Variants in ITGB6 observed in about 807,000 individuals in gnomAD.
The protein encoded by ITGB6 is integrin beta-6.
Under a neutral mutation model 84.5 loss-of-function variants are expected in ITGB6, and 80 were observed. The ratio of observed to expected loss-of-function variants is 0.95; its 90% CI spans 0.79 to 1.14. The LOEUF (loss-of-function observed/expected upper bound fraction) is 1.14. Among genes scored for constraint, ITGB6 ranks in the 50% most tolerant of loss-of-function variants. The pLI, the probability that ITGB6 is intolerant of heterozygous loss-of-function variation, is 0.00. For synonymous variants in ITGB6, 383 were observed against 354.9 expected (o/e 1.08, Z -0.89); for missense variants, 1,006 against 968.0 (o/e 1.04, Z -0.52).
intron 14 of ITGB6, among the ~76,000 whole-genome samples, chr2:160,106,431 G>T (rs1255180836): frequency 6.6e-6 from 1 of 152,036 alleles, no homozygotes; most frequent in Non-Finnish European, 1.5e-5. Flanking sequence ...TGTAGGGATG[G>T]GTTTTGCCAT....
intron 14 of ITGB6, 99 bp downstream of exon 14, chr2:160,107,580 A>G (rs955480245): frequency 4.9e-5 from 53 of 1,074,516 alleles, no homozygotes; most frequent in Non-Finnish European, 7.2e-5. Context: ...AAAAAATGTG[A>G]CATTTGAACT....
At chr2:160,123,445 G>A (rs758181299) in intron 12 of ITGB6, among the ~76,000 whole-genome samples, 23 of 152,148 alleles carry the variant, frequency 1.5e-4, no homozygotes, top group Non-Finnish European at 2.6e-4. Flanking sequence ...GTGAATTCAG[G>A]TTTGGGGGTT....
At chr2:160,194,288 T>G (rs1170010788) in intron 4 of ITGB6, among the ~76,000 whole-genome samples, 1 of 152,218 alleles carries the variant, frequency 6.6e-6, no homozygotes, top group Admixed American at 6.5e-5. Context: ...TAAATTATTT[T>G]TTATTATGTT....
At chr2:160,155,679 A>T (rs550355180) in intron 7 of ITGB6, among the ~76,000 whole-genome samples, 1 of 152,316 alleles carries the variant, frequency 6.6e-6, no homozygotes, top group South Asian at 2.1e-4. Context: ...TAAGAGTATG[A>T]GAAGGAGGCA....
chr2:160,119,234 C>G (rs551331208), intron 12 of ITGB6, among the ~76,000 whole-genome samples: 16 of 152,234 alleles, frequency 1.1e-4, no homozygotes, highest in African/African-American at 3.9e-4. Context: ...AAGAACAAAG[C>G]TAGAGGCATC....
intron 13 of ITGB6, among the ~76,000 whole-genome samples, chr2:160,108,941 GA>G (rs199708943): frequency 6.6e-6 from 1 of 151,790 alleles, no homozygotes; most frequent in Non-Finnish European, 1.5e-5. Context: ...TACTTTCATG[GA>G]AAAAAAATCC....
At chr2:160,123,709 G>A in intron 12 of ITGB6, 82 bp downstream of exon 12, 4 of 994,084 alleles carry the variant, frequency 4.0e-6, no homozygotes, top group Non-Finnish European at 6.3e-6. Context: ...CTACTAAATA[G>A]CCCTCGATTC....
intron 8 of ITGB6, among the ~76,000 whole-genome samples, chr2:160,138,572 A>T (rs531314439): frequency 2.0e-5 from 3 of 152,362 alleles, no homozygotes; most frequent in African/African-American, 7.2e-5. Flanking sequence ...ATAGATTGGC[A>T]TATAAAAGGC....
chr2:160,099,829 T>C lies in ITGB6; in HGVS notation c.*1907A>G, dbSNP rs1696646566. The C allele has an allele frequency of 1.3e-5, 2 of 152,192 alleles. No individual in the cohort carries two copies. Among genetic ancestry groups the C allele is most frequent in the African/African-American group, 4.8e-5 (2 of 41,434 alleles). The allele number at this position is 152,192 out of a possible 1,614,324, so 9.4% of individuals were successfully genotyped here. ...AAGGTCCTGCCTGGGGTCAAAACAGTATTCAGAGAAAGAGCAGATTCTTCT... is the reference window on the plus strand; with the variant it reads ...AAGGTCCTGCCTGGGGTCAAAACAGCATTCAGAGAAAGAGCAGATTCTTCT... On this transcript the variant is annotated 3_prime_UTR_variant, in exon 15 of 15. Coordinates refer to ENST00000283249, the MANE Select transcript of ITGB6 (RefSeq NM_000888.5).
intron 10 of ITGB6, among the ~76,000 whole-genome samples, chr2:160,129,444 T>C (rs1435616124): frequency 6.6e-6 from 1 of 151,560 alleles, no homozygotes; most frequent in African/African-American, 2.4e-5. Context: ...CTCCCAAGTT[T>C]TGCTCTTCCA....
chr2:160,134,383 TA>T (rs1015485536), intron 10 of ITGB6, among the ~76,000 whole-genome samples: 5 of 152,236 alleles, frequency 3.3e-5, no homozygotes, highest in South Asian at 2.1e-4. Context: ...AATAGACCAA[TA>T]ACAGGCTCTG....
At chr2:160,126,143 C>G (rs1683231061) in intron 11 of ITGB6, among the ~76,000 whole-genome samples, 2 of 152,146 alleles carry the variant, frequency 1.3e-5, no homozygotes, top group South Asian at 4.1e-4. Context: ...ACACTAGTCT[C>G]TAGCAGAAAC....
chr2:160,179,978 T>C (rs1054642692), intron 4 of ITGB6, among the ~76,000 whole-genome samples: 1 of 147,772 alleles, frequency 6.8e-6, no homozygotes, highest in African/African-American at 2.5e-5. Flanking sequence ...CTGGGCATGG[T>C]GGCACACGCC....
At chr2:160,170,801 A>G (rs1437416766) in intron 6 of ITGB6, among the ~76,000 whole-genome samples, 1 of 152,202 alleles carries the variant, frequency 6.6e-6, no homozygotes, top group Non-Finnish European at 1.5e-5. Context: ...AACAACTTGA[A>G]CATTTATTAG....
At chr2:160,139,962 C>G (rs1683934025) in intron 8 of ITGB6, among the ~76,000 whole-genome samples, 1 of 152,074 alleles carries the variant, frequency 6.6e-6, no homozygotes, top group Non-Finnish European at 1.5e-5. Context: ...CTGTAAAATA[C>G]TGAGCTGAAG....
intron 4 of ITGB6, among the ~76,000 whole-genome samples, chr2:160,192,381 T>G (rs1332244137): frequency 6.6e-6 from 1 of 152,144 alleles, no homozygotes; most frequent in Non-Finnish European, 1.5e-5. Context: ...AAGAAATTCT[T>G]GTGTAACAAA....
intron 8 of ITGB6, among the ~76,000 whole-genome samples, chr2:160,138,849 T>G (rs1391396954): frequency 6.6e-6 from 1 of 152,210 alleles, no homozygotes; most frequent in Non-Finnish European, 1.5e-5. Context: ...AAAACAGCAA[T>G]TAAACTTAAT....
intron 4 of ITGB6, 115 bp downstream of exon 4, chr2:160,195,254 C>T (rs1359666021): frequency 8.2e-6 from 11 of 1,343,514 alleles, no homozygotes; most frequent in Admixed American, 5.8e-5. Context: ...TGAGATCCAA[C>T]CAGACAAGGC....
At chr2:160,160,444 C>T (rs1266993568) in intron 7 of ITGB6, among the ~76,000 whole-genome samples, 1 of 152,082 alleles carries the variant, frequency 6.6e-6, no homozygotes, top group African/African-American at 2.4e-5. Flanking sequence ...TAAATAATTA[C>T]CTCAACTGTT....
Sources: allele counts gnomAD v4.1 joint callset (sites outside exome capture counted in the v4.1 genomes callset), GRCh38; gene constraint gnomAD v4.1.1; transcripts MANE v1.5; gene names NCBI Gene and HGNC (gene_info 2026-07-23, HGNC 2026-07-21).